The following CFH variants were observed in gnomAD, a reference collection of about 807,000 sequenced individuals.
The protein encoded by CFH is H factor 1 (complement).
A neutral mutation model predicts 147.3 loss-of-function variants in CFH; 53 were observed. The observed-to-expected ratio is 0.36, with a 90% CI of 0.29 to 0.45. The LOEUF is 0.45. CFH is among the 20% of genes least tolerant of loss of function. CFH has a pLI of 1.00. For synonymous variants in CFH, 536 were observed against 489.4 expected (o/e 1.10, Z -1.26); for missense variants, 1,380 against 1,498.0 (o/e 0.92, Z 1.30).
At chr1:196,720,098 A>G (rs1270993928) in intron 11 of CFH, among the ~76,000 whole-genome samples, 1 of 151,848 alleles carries the variant, frequency 6.6e-6, no homozygotes, top group East Asian at 1.9e-4. Context: ...AGAATTATAA[A>G]CATGATGAGA....
chr1:196,743,629 G>T lies in CFH; in HGVS notation c.3310+1G>T. On this transcript the variant is annotated splice_donor_variant, in intron 20 of 21. Coordinates refer to ENST00000367429, the MANE Select transcript of CFH (RefSeq NM_000186.4). LOFTEE classifies it high-confidence loss of function. The stretch of plus-strand genomic sequence containing the variant: ...TGGACGGAACCACCTCAATGCAAAG[G>T]TAGAGTATTATATTTCTTTTAACAT... The T allele has an allele frequency of 6.2e-7, 1 of 1,613,908 alleles. No homozygotes were observed. The highest frequency in any genetic ancestry group is 8.5e-7 in the Non-Finnish European group (1 of 1,179,830).
chr1:196,746,716 A>G (rs1653020669), intron 21 of CFH, among the ~76,000 whole-genome samples: 1 of 152,202 alleles, frequency 6.6e-6, no homozygotes, highest in African/African-American at 2.4e-5. Flanking sequence ...AATAAACAAT[A>G]CAATATTATT....
At chr1:196,668,180 T>C (rs1035957551) in intron 1 of CFH, among the ~76,000 whole-genome samples, 7 of 152,186 alleles carry the variant, frequency 4.6e-5, no homozygotes, top group Non-Finnish European at 1.0e-4. Context: ...TGTACTTCTT[T>C]GCTTATATTT....
intron 9 of CFH, among the ~76,000 whole-genome samples, chr1:196,698,479 G>T (rs1461926701): frequency 6.6e-6 from 1 of 152,092 alleles, no homozygotes; most frequent in African/African-American, 2.4e-5. Context: ...TGGAAGAAAT[G>T]GATAAATTCC....
At chr1:196,744,786 A>AT (rs1272950830) in intron 20 of CFH, among the ~76,000 whole-genome samples, 3 of 151,906 alleles carry the variant, frequency 2.0e-5, no homozygotes, top group South Asian at 2.1e-4. Context: ...CTATTTTTCT[A>AT]TTTTTTCAGG....
rs1667342489 is a variant in CFH, at chr1:196,673,181, T to G, written c.244+18T>G. ...ATGTCAGAGTAAGTACTTAATACAT[T>G]TGTGAAATTTATGAAAACTAGGTGT... On this transcript the variant is annotated intron_variant, in intron 2 of 21. Coordinates refer to ENST00000367429, the MANE Select transcript of CFH (RefSeq NM_000186.4). 1 of 1,606,434 alleles carries G rather than the reference T, an allele frequency of 6.2e-7. No homozygotes were observed. Among genetic ancestry groups the G allele is most frequent in the African/African-American group, 1.3e-5 (1 of 74,636 alleles).
At chr1:196,728,607 CTATT>C in intron 15 of CFH, 85 bp downstream of exon 15, 1 of 1,336,766 alleles carries the variant, frequency 7.5e-7, no homozygotes, top group Non-Finnish European at 1.1e-6. Flanking sequence ...AAAACTTTAG[CTATT>C]TATTATTACA....
At chr1:196,663,770 G>A (rs1666984423) in intron 1 of CFH, among the ~76,000 whole-genome samples, 1 of 152,070 alleles carries the variant, frequency 6.6e-6, no homozygotes, top group Non-Finnish European at 1.5e-5. Flanking sequence ...ATTCAAAGCT[G>A]GGTTCCTGTA....
chr1:196,677,631 G>A lies in CFH; in HGVS notation c.583G>A (p.Asp195Asn), dbSNP rs756966643. 6.2e-6 allele frequency: 10 copies of A among 1,613,016 alleles called. No homozygotes were observed. The highest frequency in any genetic ancestry group is 2.7e-5 in the African/African-American group (2 of 74,954). ...EGDEEMHCSD[D>N]GFWSKEKPKC... ...AGATGAAGAAATGCATTGTTCAGACGATGGTTTTTGGAGTAAAGAGAAACC... is the reference window on the plus strand; with the variant it reads ...AGATGAAGAAATGCATTGTTCAGACAATGGTTTTTGGAGTAAAGAGAAACC... The change falls in exon 5 of 22, where the codon GAT becomes AAT. Residue 195 changes from aspartate (D) to asparagine (N), a missense_variant. By Grantham distance (23) the Asp-to-Asn change is conservative. This residue lies in a region of CFH where 260 missense variants were observed against 263.3 expected (regional missense o/e 0.99). Coordinates refer to ENST00000367429, the MANE Select transcript of CFH (RefSeq NM_000186.4).
chr1:196,718,519 C>T (rs1016650455), intron 11 of CFH, among the ~76,000 whole-genome samples: 2 of 152,010 alleles, frequency 1.3e-5, no homozygotes, highest in Admixed American at 6.6e-5. Context: ...CATTTGATAA[C>T]ATTGGAAGAG....
At chr1:196,700,034 A>T (rs1313562545) in intron 9 of CFH, among the ~76,000 whole-genome samples, 1 of 152,156 alleles carries the variant, frequency 6.6e-6, no homozygotes, top group Non-Finnish European at 1.5e-5. Context: ...TTTCTCCTTT[A>T]GGTTCTGCAT....
chr1:196,711,871 T>G (rs12134598), intron 9 of CFH, among the ~76,000 whole-genome samples: 26,914 of 151,976 alleles, frequency 0.18, 2,612 homozygotes, highest in South Asian at 0.32. Flanking sequence ...CTCTCCAGAG[T>G]GTCAATATTC....
intron 10 of CFH, among the ~76,000 whole-genome samples, chr1:196,714,668 TAG>T (rs1205328020): frequency 2.3e-3 from 49 of 21,248 alleles, no homozygotes; most frequent in South Asian, 3.4e-3. Context: ...TATATATATA[TAG>T]AGAGAGAGAG....
At chr1:196,656,309 GAA>G (rs111440999) in intron 1 of CFH, among the ~76,000 whole-genome samples, 5,890 of 85,044 alleles carry the variant, frequency 0.069, 349 homozygotes, top group African/African-American at 0.16. Context: ...ATCTCAAAAA[GAA>G]AAAAAAAAAA....
intron 3 of CFH, 56 bp downstream of exon 3, chr1:196,674,018 C>T (rs1264035744): frequency 8.6e-7 from 1 of 1,156,756 alleles, no homozygotes; most frequent in Non-Finnish European, 1.3e-6. Flanking sequence ...AGGAACTCTA[C>T]TACTTTATAT....
intron 9 of CFH, among the ~76,000 whole-genome samples, chr1:196,693,795 T>C (rs1668150931): frequency 6.6e-6 from 1 of 152,150 alleles, no homozygotes. Context: ...TTATATCATG[T>C]ATCACGGTCT....
intron 9 of CFH, chr1:196,692,323 G>C (rs140081705): frequency 1.7e-6 from 1 of 575,374 alleles, no homozygotes; most frequent in South Asian, 7.9e-5. Flanking sequence ...TCTCTTTTTT[G>C]TCTCATCATT....
At chr1:196,702,155 AC>A (rs971394320) in intron 9 of CFH, among the ~76,000 whole-genome samples, 8 of 151,824 alleles carry the variant, frequency 5.3e-5, no homozygotes, top group Non-Finnish European at 1.0e-4. Context: ...CCTATGACTC[AC>A]CCCCCTCCAC....
At chr1:196,686,852 A>G (rs1667846098) in intron 7 of CFH, among the ~76,000 whole-genome samples, 1 of 152,124 alleles carries the variant, frequency 6.6e-6, no homozygotes, top group Non-Finnish European at 1.5e-5. Flanking sequence ...TTGATGAGTT[A>G]TATGGTTTAT....
Sources: gnomAD v4.1 joint callset for allele counts (sites outside exome capture counted in the v4.1 genomes callset) on GRCh38, gnomAD v4.1.1 for gene constraint, gnomAD v4.1.1 regional missense constraint, MANE v1.5 for transcripts, NCBI Gene and HGNC (gene_info 2026-07-23, HGNC 2026-07-21) for gene names.